Variants in IPO8 observed in about 807,000 individuals in gnomAD.
The protein encoded by IPO8 is importin 8.
A neutral mutation model predicts 141.2 loss-of-function variants in IPO8; 65 were observed. That is an observed-to-expected ratio of 0.46 (90% confidence interval 0.38 to 0.57). The LOEUF is 0.57. Ranked by LOEUF, IPO8 falls within the 20% of genes least tolerant of loss-of-function variation. The pLI, the probability that IPO8 is intolerant of heterozygous loss-of-function variation, is 0.00. For missense variants in IPO8, 980 were observed against 1,246.8 expected, an observed-to-expected ratio of 0.79 and a Z score of 3.22; for synonymous variants, 411 against 420.3, an observed-to-expected ratio of 0.98 and a Z score of 0.27.
intron 1 of IPO8, among the ~76,000 whole-genome samples, chr12:30,694,643 A>G (rs2053320289): frequency 6.6e-6 from 1 of 152,162 alleles, no homozygotes; most frequent in South Asian, 2.1e-4. Flanking sequence ...ATAATTTGTA[A>G]GTTCTCAGGT....
chr12:30,663,440 A>C, intron 14 of IPO8, 49 bp downstream of exon 14: 2 of 1,496,300 alleles, frequency 1.3e-6, no homozygotes, highest in Non-Finnish European at 1.8e-6. Context: ...TAGGGAAGAA[A>C]GTAAATGAAA....
At chr12:30,660,947 A>T (rs2052877247) in intron 16 of IPO8, among the ~76,000 whole-genome samples, 194 bp downstream of exon 16, 1 of 32,912 alleles carries the variant, frequency 3.0e-5, no homozygotes, top group African/African-American at 2.3e-4. Flanking sequence ...TAATATTACA[A>T]ATATTATGAT....
In IPO8 at chr12:30,631,923, T is replaced by C. The variant is rs2136121163; in HGVS notation, c.2988A>G (p.Thr996=). 1 of 1,612,600 alleles carries C rather than the reference T, an allele frequency of 6.2e-7. No individual in the cohort carries two copies. The change falls in exon 24 of 25, where the codon ACA becomes ACG. Residue 996 remains threonine, a synonymous_variant. Transcript: ENST00000256079. ...CCACCGTCCGTCGGTGCTCTGCCAG[T>C]GTGTACACCTCCTGCAGTGCTGTCC... ...DQRTALQEVY[T]LAEHRRTVAE...
At chr12:30,671,996 G>A (rs1311606472) in intron 8 of IPO8, among the ~76,000 whole-genome samples, 1 of 152,052 alleles carries the variant, frequency 6.6e-6, no homozygotes, top group Non-Finnish European at 1.5e-5. Context: ...GATTATAAAA[G>A]AAGGTATTTG....
At chr12:30,670,406 C>T (rs1765877956) in intron 9 of IPO8, among the ~76,000 whole-genome samples, 1 of 152,018 alleles carries the variant, frequency 6.6e-6, no homozygotes, top group African/African-American at 2.4e-5. Flanking sequence ...TTATTAGTGG[C>T]CTATAATTTT....
chr12:30,630,807 C>T lies in IPO8; in HGVS notation c.*53G>A. ...TTTCATCCCCTTGACCCTCACACTC[C>T]TCTTGTGAAATAAAATGCAGCGATG... On this transcript the variant is annotated 3_prime_UTR_variant, in exon 25 of 25. Transcript: ENST00000256079. 1.4e-6 allele frequency: 2 copies of T among 1,451,076 alleles called. No homozygotes were observed. Among genetic ancestry groups the T allele is most frequent in the Non-Finnish European group, 1.9e-6 (2 of 1,035,678 alleles). 89.9% of individuals were successfully genotyped at this position (1,451,076 alleles called of 1,614,324 possible). A position where few individuals can be genotyped will look rare whatever the true frequency, so the allele number is the denominator to read the frequency against.
chr12:30,671,013 G>A lies in IPO8; in HGVS notation c.993C>T (p.Asn331=), dbSNP rs770061285. The change falls in exon 9 of 25, where the codon AAC becomes AAT. Residue 331 remains asparagine, a synonymous_variant. Transcript: ENST00000256079. ...AGGTTATAGAATGAACCACCCCTTGGTTGAGATAGTTGAATGCTTGCTGAA... is the reference window on the plus strand; with the variant it reads ...AGGTTATAGAATGAACCACCCCTTGATTGAGATAGTTGAATGCTTGCTGAA... ...RVLQQAFNYL[N]QGVVHSITWK... 8 of 1,613,260 alleles carry A rather than the reference G, an allele frequency of 5.0e-6. No individual in the cohort carries two copies. The highest frequency in any genetic ancestry group is 6.8e-6 in the Non-Finnish European group (8 of 1,179,398).
intron 12 of IPO8, 22 bp downstream of exon 12, chr12:30,665,707 A>T: frequency 7.0e-7 from 1 of 1,432,996 alleles, no homozygotes; most frequent in African/African-American, 1.4e-5. Flanking sequence ...TATTAAGTAA[A>T]TTAAATTTTG....
chr12:30,695,652 C>T lies in IPO8; in HGVS notation c.-5G>A, dbSNP rs779426798. The T allele has an allele frequency of 2.6e-5, 42 of 1,613,318 alleles. No individual in the cohort carries two copies. The highest frequency in any genetic ancestry group is 3.4e-5 in the Non-Finnish European group (40 of 1,179,340). ...GATGATCCGGTTGAGGTCCATCTCCCCGGGTGGGGGCTCCGCGGCCCCCGG... is the reference window on the plus strand; with the variant it reads ...GATGATCCGGTTGAGGTCCATCTCCTCGGGTGGGGGCTCCGCGGCCCCCGG... On this transcript the variant is annotated 5_prime_UTR_variant, in exon 1 of 25. Coordinates refer to ENST00000256079, the MANE Select transcript of IPO8 (RefSeq NM_006390.4). The surrounding 1 kb of genome is among the most constrained non-coding windows in gnomAD (Gnocchi z 4.2).
chr12:30,668,259 C>T (rs2052996484), intron 10 of IPO8, among the ~76,000 whole-genome samples: 1 of 152,080 alleles, frequency 6.6e-6, no homozygotes, highest in African/African-American at 2.4e-5. Context: ...AAACAGGATC[C>T]TCACTTACTG....
At chr12:30,681,600 A>G in intron 4 of IPO8, 59 bp downstream of exon 4, 1 of 1,523,634 alleles carries the variant, frequency 6.6e-7, no homozygotes, top group Admixed American at 1.8e-5. Context: ...ACTCTTTGCA[A>G]CTTCATTATT....
intron 1 of IPO8, among the ~76,000 whole-genome samples, chr12:30,692,636 C>T (rs2053301517): frequency 1.3e-5 from 2 of 152,198 alleles, no homozygotes; most frequent in African/African-American, 4.8e-5. Context: ...AAACTGATGT[C>T]TCCTCCCATC....
intron 8 of IPO8, among the ~76,000 whole-genome samples, chr12:30,672,715 A>C (rs1331517897): frequency 6.6e-6 from 1 of 152,210 alleles, no homozygotes; most frequent in Admixed American, 6.5e-5. Flanking sequence ...CAGAAGACAG[A>C]TGACCAGCTT....
rs1397712810 is a variant in IPO8, at chr12:30,635,272, A to C, written c.2696-986T>G. Among the ~76,000 whole-genome samples the C allele has an allele frequency of 3.3e-5, 5 of 152,068 alleles. No individual in the cohort carries two copies. In the East Asian group the frequency reaches 9.6e-4, roughly 29 times the overall value. Reference sequence around the variant, plus strand: ...ATCTATTGTACAGCATGGTGAATACAGTTAATAGTATATGTACATTTCAAA... The same window carrying C: ...ATCTATTGTACAGCATGGTGAATACCGTTAATAGTATATGTACATTTCAAA... On this transcript the variant is annotated intron_variant, in intron 22 of 24. Coordinates refer to ENST00000256079, the MANE Select transcript of IPO8 (RefSeq NM_006390.4).
At chr12:30,637,288 G>A (rs1240395416) in intron 21 of IPO8, 101 bp from the exon 22 acceptor site, 1 of 841,280 alleles carries the variant, frequency 1.2e-6, no homozygotes, top group African/African-American at 1.7e-5. Context: ...ATACTCTAAG[G>A]TTCATCTGTT....
At chr12:30,639,450 C>A in intron 21 of IPO8, 65 bp downstream of exon 21, 1 of 1,056,280 alleles carries the variant, frequency 9.5e-7, no homozygotes, top group Admixed American at 1.8e-5. Context: ...TGCTATTATA[C>A]ACAAATATTA....
chr12:30,656,486 C>A (rs1422400069), intron 17 of IPO8, among the ~76,000 whole-genome samples, 198 bp downstream of exon 17: 1 of 151,990 alleles, frequency 6.6e-6, no homozygotes, highest in African/African-American at 2.4e-5. Context: ...AAAAATTATT[C>A]GTTGGATGTA....
chr12:30,652,848 C>A, intron 18 of IPO8, 119 bp downstream of exon 18: 2 of 972,690 alleles, frequency 2.1e-6, no homozygotes, highest in Non-Finnish European at 3.0e-6. Context: ...TTTATGTGAC[C>A]GGGAAATAAA....
In IPO8 at chr12:30,653,059, C is replaced by T. The variant is rs867782741; in HGVS notation, c.1982G>A (p.Ser661Asn). The change falls in exon 18 of 25, where the codon AGT becomes AAT. Residue 661 changes from serine to asparagine, a missense_variant. By Grantham distance (46) the Ser-to-Asn change is conservative (BLOSUM62 1). This residue lies in a region of IPO8 where 924 missense variants were observed against 1,153.9 expected (regional missense o/e 0.80). Transcript: ENST00000256079. Reference sequence around the variant, plus strand: ...AGGGGAAATACTGTGGCAGGTTAAACTGTATGCCAGGGAAAGAATTTCTTC... The same window carrying T: ...AGGGGAAATACTGTGGCAGGTTAAATTGTATGCCAGGGAAAGAATTTCTTC... ...FYEEILSLAYSLTCHSISPQM... is the reference protein window; with the variant it reads ...FYEEILSLAYNLTCHSISPQM... 3.7e-6 allele frequency: 6 copies of T among 1,610,742 alleles called. No homozygotes were observed. The highest frequency in any genetic ancestry group is 1.7e-6 in the Non-Finnish European group (2 of 1,178,492).
Sources: allele counts gnomAD v4.1 joint callset (sites outside exome capture counted in the v4.1 genomes callset), GRCh38; gene constraint gnomAD v4.1.1; regional missense constraint gnomAD v4.1.1; non-coding constraint Gnocchi (gnomAD v3.1); transcripts MANE v1.5; gene names NCBI Gene and HGNC (gene_info 2026-07-23, HGNC 2026-07-21).